Variants in ADGRB3 observed in about 807,000 individuals in gnomAD.
The protein encoded by ADGRB3 is adhesion G protein-coupled receptor B3.
A neutral mutation model predicts 193.4 loss-of-function variants in ADGRB3; 37 were observed. The observed-to-expected ratio is 0.19, with a 90% CI of 0.15 to 0.25. ADGRB3 has a LOEUF of 0.25. Among genes scored for constraint, ADGRB3 ranks in the 10% least tolerant of loss-of-function variants. The probability of loss-of-function intolerance (pLI) is 1.00; values close to 1 mark genes in which losing one functional copy is unlikely to be tolerated. For synonymous variants in ADGRB3, 690 were observed against 644.2 expected (o/e 1.07, Z -1.08); for missense variants, 1,637 against 1,852.9 (o/e 0.88, Z 2.14).
chr6:68,661,548 T>TGTGTATAC (rs1441461196), intron 3 of ADGRB3, among the ~76,000 whole-genome samples: 1 of 26,782 alleles, frequency 3.7e-5, no homozygotes, highest in African/African-American at 1.7e-4. Flanking sequence ...CATATATATA[T>TGTGTATAC]ATATATATAT....
chr6:68,909,894 G>T (rs1001959249), intron 3 of ADGRB3, among the ~76,000 whole-genome samples: 1 of 152,174 alleles, frequency 6.6e-6, no homozygotes, highest in Non-Finnish European at 1.5e-5. Flanking sequence ...ATAGCAGCAT[G>T]ATTTATAATC....
At chr6:69,021,970 T>C (rs1770283985) in intron 13 of ADGRB3, among the ~76,000 whole-genome samples, 1 of 151,608 alleles carries the variant, frequency 6.6e-6, no homozygotes, top group Non-Finnish European at 1.5e-5. Flanking sequence ...TTAGCAGAGG[T>C]TTGGAAAAAA....
chr6:69,235,299 T>C (rs192820841), intron 19 of ADGRB3, among the ~76,000 whole-genome samples, 164 bp downstream of exon 19: 378 of 152,252 alleles, frequency 2.5e-3, no homozygotes, highest in Non-Finnish European at 3.1e-3. Context: ...AAATGAATTA[T>C]GTTTACCTAA....
intron 20 of ADGRB3, among the ~76,000 whole-genome samples, chr6:69,279,071 GTATA>G (rs57824884): frequency 0.09 from 6,340 of 70,306 alleles, 453 homozygotes; most frequent in East Asian, 0.13. Flanking sequence ...AAATACATAT[GTATA>G]TATATATATA....
chr6:68,995,904 A>G (rs576276893), intron 11 of ADGRB3, among the ~76,000 whole-genome samples: 1 of 152,160 alleles, frequency 6.6e-6, no homozygotes, highest in South Asian at 2.1e-4. Context: ...AAGAATTTTT[A>G]TCTCTTGTAT....
intron 22 of ADGRB3, among the ~76,000 whole-genome samples, chr6:69,328,143 A>G (rs993477698): frequency 6.6e-6 from 1 of 152,158 alleles, no homozygotes; most frequent in Non-Finnish European, 1.5e-5. Context: ...AAATATTTCA[A>G]TATTTATTTT....
intron 23 of ADGRB3, 124 bp downstream of exon 23, chr6:69,330,696 A>G (rs975696048): frequency 2.1e-5 from 12 of 576,414 alleles, no homozygotes; most frequent in Non-Finnish European, 2.9e-5. Flanking sequence ...TCAATGGACT[A>G]TTATTCTAAT....
chr6:68,651,779 G>A (rs1768372276), intron 3 of ADGRB3, among the ~76,000 whole-genome samples: 1 of 152,108 alleles, frequency 6.6e-6, no homozygotes, highest in African/African-American at 2.4e-5. Flanking sequence ...TGCCTAATTA[G>A]TCTCTCCTTT....
chr6:69,136,602 G>A (rs1260200576), intron 17 of ADGRB3, among the ~76,000 whole-genome samples: 2 of 149,080 alleles, frequency 1.3e-5, no homozygotes, highest in Non-Finnish European at 3.0e-5. Flanking sequence ...TCGCCTTCAT[G>A]GTTGTTTTTC....
chr6:69,177,788 G>A (rs1265377351), intron 17 of ADGRB3, among the ~76,000 whole-genome samples: 1 of 152,110 alleles, frequency 6.6e-6, no homozygotes, highest in Non-Finnish European at 1.5e-5. Flanking sequence ...ATTCTACCAT[G>A]GTCTGACAGT....
At chr6:69,034,963 T>C (rs1770823575) in intron 13 of ADGRB3, among the ~76,000 whole-genome samples, 1 of 152,088 alleles carries the variant, frequency 6.6e-6, no homozygotes, top group African/African-American at 2.4e-5. Context: ...AAAATTATTT[T>C]CTGAACTTTA....
intron 3 of ADGRB3, among the ~76,000 whole-genome samples, chr6:68,764,910 G>A (rs141298835): frequency 3.5e-4 from 54 of 152,132 alleles, no homozygotes; most frequent in African/African-American, 1.0e-3. Context: ...TTCATATTTT[G>A]GTAAAGTTTA....
intron 13 of ADGRB3, among the ~76,000 whole-genome samples, chr6:69,040,707 A>AAAAAAAAAT (rs1771038176): frequency 3.3e-5 from 2 of 60,394 alleles, no homozygotes; most frequent in African/African-American, 1.4e-4. Context: ...AAAAAAAAAA[A>AAAAAAAAAT]AACAAACAAG....
chr6:68,948,275 T>G (rs1171488507), intron 6 of ADGRB3, among the ~76,000 whole-genome samples: 1 of 152,132 alleles, frequency 6.6e-6, no homozygotes, highest in Admixed American at 6.6e-5. Flanking sequence ...TAACTAGAGA[T>G]AACAGTTTTT....
At chr6:68,942,548 C>T (rs1767672489) in intron 5 of ADGRB3, among the ~76,000 whole-genome samples, 1 of 152,026 alleles carries the variant, frequency 6.6e-6, no homozygotes, top group Admixed American at 6.6e-5. Flanking sequence ...TATGTATTGT[C>T]TCAAGTATTA....
chr6:69,031,519 C>G (rs940721248), intron 13 of ADGRB3, among the ~76,000 whole-genome samples: 1 of 21,268 alleles, frequency 4.7e-5, no homozygotes. Context: ...TTTGAGTTGT[C>G]TCTTTCTTTC....
intron 26 of ADGRB3, among the ~76,000 whole-genome samples, chr6:69,352,031 T>A (rs1336476053): frequency 6.6e-6 from 1 of 152,216 alleles, no homozygotes; most frequent in East Asian, 1.9e-4. Context: ...TCTTTAATAG[T>A]TGCCTTGAGG....
chr6:68,695,787 T>A (rs532091552), intron 3 of ADGRB3, among the ~76,000 whole-genome samples: 1 of 152,120 alleles, frequency 6.6e-6, no homozygotes, highest in East Asian at 1.9e-4. Flanking sequence ...GGCTCTGTCA[T>A]ACAACACATA....
At chr6:69,025,991 T>A (rs1343358264) in intron 13 of ADGRB3, among the ~76,000 whole-genome samples, 1 of 152,216 alleles carries the variant, frequency 6.6e-6, no homozygotes, top group Non-Finnish European at 1.5e-5. Context: ...GTTGAGGTGC[T>A]TCCTAGTGCT....
Sources: gnomAD v4.1 joint callset for allele counts (sites outside exome capture counted in the v4.1 genomes callset) on GRCh38, gnomAD v4.1.1 for gene constraint, MANE v1.5 for transcripts, NCBI Gene and HGNC (gene_info 2026-07-23, HGNC 2026-07-21) for gene names.